PTPRM: variants seen among roughly 807,000 people sequenced by gnomAD.
The protein encoded by PTPRM is protein tyrosine phosphatase receptor type M, also known as receptor-type tyrosine-protein phosphatase mu.
Under a neutral mutation model 186.7 loss-of-function variants are expected in PTPRM, and 47 were observed. That is an observed-to-expected ratio of 0.25 (90% CI 0.20 to 0.32). PTPRM has a LOEUF of 0.32. Ranked by LOEUF, PTPRM falls within the 10% of genes least tolerant of loss-of-function variation. PTPRM has a pLI of 1.00. For synonymous variants in PTPRM, 668 were observed against 674.9 expected (o/e 0.99, Z 0.16); for missense variants, 1,494 against 1,865.0 (o/e 0.80, Z 3.66).
intron 1 of PTPRM, among the ~76,000 whole-genome samples, chr18:7,738,607 T>TTTTTTTTGTA (rs555056513): frequency 0.026 from 3,884 of 150,940 alleles, 161 homozygotes; most frequent in African/African-American, 0.09. Flanking sequence ...GGCTATTTTT[T>TTTTTTTTGTA]TTTTTTTGTA....
chr18:8,145,054 T>TCTAAC (rs749256902), intron 14 of PTPRM, among the ~76,000 whole-genome samples: 3 of 152,064 alleles, frequency 2.0e-5, no homozygotes, highest in Admixed American at 1.3e-4. Context: ...GGAATATAAC[T>TCTAAC]CTAACGTTAG....
rs77472531 is a variant in PTPRM at position 7,902,738 on chromosome 18, G to A, written c.469-3767G>A. On this transcript the variant is annotated intron_variant, in intron 3 of 32. Coordinates refer to ENST00000580170, the MANE Select transcript of PTPRM (RefSeq NM_001105244.2). ...ACTAAAAGGCTCAGAATTTCTTAGCGTAAAACTTCTGAGTCATCCATTCTG... is the reference window on the plus strand; with the variant it reads ...ACTAAAAGGCTCAGAATTTCTTAGCATAAAACTTCTGAGTCATCCATTCTG... Among the ~76,000 whole-genome samples the A allele has an allele frequency of 2.5e-3, 380 of 151,902 alleles. 8 individuals are homozygous for A. The East Asian group carries it at 0.058, about 23-fold the overall frequency.
Position 8,240,777 on chromosome 18 carries a change from GGAGAGAGAGAGAGAGAGAGAGAGAGAGA to G in PTPRM, c.2301-3258_2301-3231del, listed in dbSNP as rs747648655. ...GCGAGGGAGGGAGGGAGAGAGAGAG[GGAGAGAGAGAGAGAGAGAGAGAGAGAGA>G]GAGAGAGAGAGAGAGAGAGAGAAAG... On this transcript the variant is annotated intron_variant, in intron 14 of 32. Transcript: ENST00000580170. Among the ~76,000 whole-genome samples the G allele has an allele frequency of 4.9e-3, 281 of 57,352 alleles. 3 individuals are homozygous for G. The highest frequency in any genetic ancestry group is 0.019 in the African/African-American group (249 of 12,968). The allele number at this position is 57,352 out of a possible 152,430, so 37.6% of individuals were successfully genotyped here. A position where few individuals can be genotyped will look rare whatever the true frequency, so the allele number is the denominator to read the frequency against.
chr18:7,612,122 C>T (rs1224312187), intron 1 of PTPRM, among the ~76,000 whole-genome samples: 1 of 152,062 alleles, frequency 6.6e-6, no homozygotes, highest in African/African-American at 2.4e-5. Flanking sequence ...TGCTTTGTCT[C>T]ATTTTTCAGA....
chr18:8,212,896 A>G (rs936017450), intron 14 of PTPRM, among the ~76,000 whole-genome samples: 2 of 152,156 alleles, frequency 1.3e-5, no homozygotes, highest in Non-Finnish European at 2.9e-5. Context: ...TCTCCATTCC[A>G]ATTTCCTTCT....
At chr18:7,720,429 C>T (rs1281570851) in intron 1 of PTPRM, among the ~76,000 whole-genome samples, 1 of 152,050 alleles carries the variant, frequency 6.6e-6, no homozygotes, top group African/African-American at 2.4e-5. Flanking sequence ...AAAGTGGCTT[C>T]TCAAATCAGT....
chr18:7,906,993 T>C (rs895666950), intron 4 of PTPRM, among the ~76,000 whole-genome samples: 3 of 152,168 alleles, frequency 2.0e-5, no homozygotes, highest in African/African-American at 7.2e-5. Flanking sequence ...TCAGGTGATA[T>C]AGCTGCAAAC....
At chr18:8,070,685 C>A (rs1480851642) in intron 8 of PTPRM, among the ~76,000 whole-genome samples, 1 of 152,114 alleles carries the variant, frequency 6.6e-6, no homozygotes, top group Non-Finnish European at 1.5e-5. Context: ...TTTCTTTACA[C>A]AGATGACACA....
intron 23 of PTPRM, among the ~76,000 whole-genome samples, chr18:8,348,582 G>A (rs1290543618): frequency 6.6e-6 from 1 of 152,170 alleles, no homozygotes; most frequent in Non-Finnish European, 1.5e-5. Flanking sequence ...ACCCACCTGA[G>A]GGACATTTAG....
chr18:8,334,875 C>A (rs1187070262), intron 22 of PTPRM, among the ~76,000 whole-genome samples: 1 of 152,070 alleles, frequency 6.6e-6, no homozygotes, highest in Non-Finnish European at 1.5e-5. Context: ...CTCAGCCCAC[C>A]GTACCTTGCT....
intron 2 of PTPRM, among the ~76,000 whole-genome samples, chr18:7,789,234 A>T (rs2043225594): frequency 6.6e-6 from 1 of 152,126 alleles, no homozygotes; most frequent in African/African-American, 2.4e-5. Flanking sequence ...CTGAGGCAGG[A>T]GGATTGCTTG....
At chr18:7,610,953 C>A (rs1381872821) in intron 1 of PTPRM, among the ~76,000 whole-genome samples, 1 of 152,006 alleles carries the variant, frequency 6.6e-6, no homozygotes, top group Admixed American at 6.5e-5. Flanking sequence ...TTATTATGGC[C>A]CCTGAAGACC....
chr18:8,210,603 C>T (rs2093990289), intron 14 of PTPRM, among the ~76,000 whole-genome samples: 1 of 152,078 alleles, frequency 6.6e-6, no homozygotes, highest in South Asian at 2.1e-4. Flanking sequence ...TACAGCAGCC[C>T]TAGGAAATTA....
At chr18:7,818,868 T>C (rs143160798) in intron 2 of PTPRM, among the ~76,000 whole-genome samples, 4 of 152,294 alleles carry the variant, frequency 2.6e-5, no homozygotes, top group African/African-American at 9.6e-5. Flanking sequence ...CATGTTCCAG[T>C]AGAGCTGGAT....
At chr18:7,855,001 C>A (rs901261827) in intron 2 of PTPRM, among the ~76,000 whole-genome samples, 2 of 152,128 alleles carry the variant, frequency 1.3e-5, no homozygotes. Context: ...GCAACCGCCC[C>A]AGGCAGATAA....
chr18:7,648,069 C>T (rs2066117061), intron 1 of PTPRM, among the ~76,000 whole-genome samples: 1 of 152,116 alleles, frequency 6.6e-6, no homozygotes, highest in African/African-American at 2.4e-5. Context: ...AATAGGCCCA[C>T]TTTGTATTTC....
chr18:8,202,046 A>G (rs2093865610), intron 14 of PTPRM, among the ~76,000 whole-genome samples: 1 of 152,220 alleles, frequency 6.6e-6, no homozygotes, highest in Non-Finnish European at 1.5e-5. Context: ...TAAACAACAT[A>G]AAACATTTTG....
chr18:8,234,809 T>C (rs77742803), intron 14 of PTPRM, among the ~76,000 whole-genome samples: 2,925 of 152,254 alleles, frequency 0.019, 85 homozygotes, highest in African/African-American at 0.066. Flanking sequence ...GTATTGGATT[T>C]TGTCAACTCT....
chr18:8,397,225 AT>A (rs2095849538), intron 32 of PTPRM, among the ~76,000 whole-genome samples: 1 of 152,230 alleles, frequency 6.6e-6, no homozygotes, highest in Non-Finnish European at 1.5e-5. Context: ...GTGTGGCTGC[AT>A]TCCCTCATGG....
Sources: allele counts gnomAD v4.1 joint callset (sites outside exome capture counted in the v4.1 genomes callset), GRCh38; gene constraint gnomAD v4.1.1; transcripts MANE v1.5; gene names NCBI Gene and HGNC (gene_info 2026-07-23, HGNC 2026-07-21).